Variants in ADAMTSL1 observed in about 807,000 individuals in gnomAD.
ADAMTSL1 encodes ADAMTS-like protein 1.
ADAMTSL1 carries 126 observed loss-of-function variants against 201.8 expected under a neutral mutation model. The observed-to-expected ratio is 0.62, with a 90% CI of 0.54 to 0.72. ADAMTSL1 has a LOEUF of 0.72. Ranked by LOEUF, ADAMTSL1 falls within the 30% of genes least tolerant of loss-of-function variation. ADAMTSL1 has a pLI of 0.00. For missense variants in ADAMTSL1, 2,679 were observed against 2,277.8 expected, an observed-to-expected ratio of 1.18 and a Z score of -3.59; for synonymous variants, 1,121 against 903.4, an observed-to-expected ratio of 1.24 and a Z score of -4.32.
At chr9:18,719,650 C>A (rs908215509) in intron 14 of ADAMTSL1, among the ~76,000 whole-genome samples, 1 of 152,198 alleles carries the variant, frequency 6.6e-6, no homozygotes, top group African/African-American at 2.4e-5. Context: ...AGGCATGAGC[C>A]ACTGTGCCTG....
chr9:18,177,864 G>A (rs575004364), intron 2 of ADAMTSL1, among the ~76,000 whole-genome samples: 2 of 152,308 alleles, frequency 1.3e-5, no homozygotes, highest in South Asian at 4.1e-4. Flanking sequence ...GGAGTGAGCA[G>A]CTAACAGTCT....
intron 1 of ADAMTSL1, among the ~76,000 whole-genome samples, chr9:17,931,104 G>T (rs4288459): frequency 6.6e-6 from 1 of 152,126 alleles, no homozygotes; most frequent in Non-Finnish European, 1.5e-5. Flanking sequence ...CAGAAAAAAA[G>T]ACCTATTGCA....
At chr9:18,612,896 A>G (rs1032892291) in intron 4 of ADAMTSL1, among the ~76,000 whole-genome samples, 16 of 152,240 alleles carry the variant, frequency 1.1e-4, no homozygotes, top group Non-Finnish European at 1.9e-4. Flanking sequence ...ACTTCTACAC[A>G]GCGAAAGAAA....
intron 22 of ADAMTSL1, among the ~76,000 whole-genome samples, chr9:18,828,668 A>ATATATATATATATATATG (rs1563835977): frequency 1.3e-5 from 1 of 78,332 alleles, no homozygotes; most frequent in East Asian, 6.5e-4. Flanking sequence ...ATTTATATAT[A>ATATATATATATATATATG]TATATATATA....
intron 20 of ADAMTSL1, among the ~76,000 whole-genome samples, chr9:18,802,036 G>A (rs918010493): frequency 3.9e-5 from 6 of 152,102 alleles, no homozygotes; most frequent in Non-Finnish European, 7.3e-5. Context: ...CAGCACTTTG[G>A]GAGCCTGAGG....
At position 18,502,555 on chromosome 9, in the gene ADAMTSL1, A is replaced by G. The variant is rs77298100; in HGVS notation, c.64-2274A>G. The stretch of plus-strand genomic sequence containing the variant: ...TTCTCTCTCATTGTTTAAGTTCTGA[A>G]AACAGAGCACCTCTTATTGCAGTGA... On this transcript the variant is annotated intron_variant, in intron 1 of 28. Transcript: ENST00000380548. Among the ~76,000 whole-genome samples the G allele has an allele frequency of 6.0e-3, 911 of 152,304 alleles. 9 individuals carry two copies. Among genetic ancestry groups the G allele is most frequent in the African/African-American group, 0.021 (858 of 41,568 alleles).
At chr9:18,282,035 A>G (rs1372517061) in intron 2 of ADAMTSL1, among the ~76,000 whole-genome samples, 1 of 151,974 alleles carries the variant, frequency 6.6e-6, no homozygotes, top group Non-Finnish European at 1.5e-5. Context: ...ACTGGTGGGG[A>G]TTGGGCTTCT....
chr9:18,073,275 G>A (rs374018936), intron 1 of ADAMTSL1, among the ~76,000 whole-genome samples: 7 of 152,148 alleles, frequency 4.6e-5, no homozygotes, highest in Non-Finnish European at 8.8e-5. Context: ...TGAGGAGAAG[G>A]CTGTGTGGAG....
intron 4 of ADAMTSL1, among the ~76,000 whole-genome samples, chr9:18,594,934 T>C (rs1448732050): frequency 1.3e-5 from 2 of 152,222 alleles, no homozygotes; most frequent in African/African-American, 4.8e-5. Context: ...GTGGTTTTCT[T>C]TGTGCTTGTC....
chr9:18,158,174 G>T (rs1367578643), intron 1 of ADAMTSL1, among the ~76,000 whole-genome samples: 1 of 151,918 alleles, frequency 6.6e-6, no homozygotes, highest in East Asian at 1.9e-4. Flanking sequence ...GAAAGGGGTT[G>T]TTGATACTCA....
intron 2 of ADAMTSL1, among the ~76,000 whole-genome samples, chr9:18,340,918 C>T (rs997827688): frequency 6.6e-6 from 1 of 152,082 alleles, no homozygotes. Flanking sequence ...AGTCTACTTA[C>T]CTGTCTCTAA....
chr9:18,612,457 G>A (rs1449176788), intron 4 of ADAMTSL1, among the ~76,000 whole-genome samples: 1 of 152,098 alleles, frequency 6.6e-6, no homozygotes, highest in African/African-American at 2.4e-5. Flanking sequence ...ATATATTTTA[G>A]TTGCTTGCTG....
At position 18,504,813 on chromosome 9, in the gene ADAMTSL1, C is replaced by G. The variant is rs1823031415; in HGVS notation, c.64-16C>G. 1.2e-6 allele frequency: 2 copies of G among 1,614,062 alleles called. No homozygotes were observed. The highest frequency in any genetic ancestry group is 1.7e-6 in the Non-Finnish European group (2 of 1,180,036). On this transcript the variant is annotated splice_polypyrimidine_tract_variant and intron_variant, in intron 1 of 28. Coordinates refer to ENST00000380548, the MANE Select transcript of ADAMTSL1 (RefSeq NM_001040272.6). ...CATGGGGGATATGATGCTGACCATT[C>G]TTTTGTTTCTCACAGAGTTCCAGGA...
intron 2 of ADAMTSL1, among the ~76,000 whole-genome samples, chr9:18,283,913 G>A (rs1349105132): frequency 6.0e-3 from 67 of 11,112 alleles, no homozygotes; most frequent in African/African-American, 0.025. Context: ...GCAAGACTCC[G>A]TCTAAAAAAA....
intron 1 of ADAMTSL1, among the ~76,000 whole-genome samples, chr9:18,140,646 G>A (rs1247710490): frequency 6.6e-6 from 1 of 152,192 alleles, no homozygotes; most frequent in Non-Finnish European, 1.5e-5. Context: ...CACATTGTTT[G>A]TGCAACAACT....
chr9:18,036,253 A>C (rs1455236030), intron 1 of ADAMTSL1, among the ~76,000 whole-genome samples: 3 of 152,218 alleles, frequency 2.0e-5, no homozygotes, highest in Non-Finnish European at 2.9e-5. Context: ...CTGGCCCTGC[A>C]AAAAGAGAGG....
At chr9:18,775,292 T>C (rs1475223289) in intron 17 of ADAMTSL1, among the ~76,000 whole-genome samples, 1 of 152,242 alleles carries the variant, frequency 6.6e-6, no homozygotes, top group African/African-American at 2.4e-5. Context: ...CACTAAAATA[T>C]TGTCACTTAC....
intron 13 of ADAMTSL1, among the ~76,000 whole-genome samples, chr9:18,694,858 GA>G (rs1237372015): frequency 6.6e-6 from 1 of 152,176 alleles, no homozygotes; most frequent in Non-Finnish European, 1.5e-5. Context: ...GGTTCTCCAT[GA>G]GGTCTCTGTT....
intron 15 of ADAMTSL1, among the ~76,000 whole-genome samples, chr9:18,734,882 A>G (rs906971117): frequency 6.6e-6 from 1 of 152,192 alleles, no homozygotes; most frequent in African/African-American, 2.4e-5. Flanking sequence ...TCAGTCTTCC[A>G]GGTAAGCCTA....
Sources: allele counts gnomAD v4.1 joint callset (sites outside exome capture counted in the v4.1 genomes callset), GRCh38; gene constraint gnomAD v4.1.1; transcripts MANE v1.5; gene names NCBI Gene and HGNC (gene_info 2026-07-23, HGNC 2026-07-21).